Variants in CTNNA3 observed in about 807,000 individuals in gnomAD.
CTNNA3 encodes catenin alpha 3.
A neutral mutation model predicts 95.7 loss-of-function variants in CTNNA3; 76 were observed. The ratio of observed to expected loss-of-function variants is 0.79; its 90% CI spans 0.66 to 0.96. The LOEUF (loss-of-function observed/expected upper bound fraction) is 0.96, where lower values mean the gene tolerates loss of function less well. Among genes scored for constraint, CTNNA3 ranks in the 40% least tolerant of loss-of-function variants. The pLI, the probability that CTNNA3 is intolerant of heterozygous loss-of-function variation, is 0.00. For missense variants in CTNNA3, 1,191 were observed against 1,089.8 expected (o/e 1.09, Z -1.31); for synonymous variants, 431 against 374.4 (o/e 1.15, Z -1.74).
At chr10:67,160,869 G>T (rs908603847) in intron 7 of CTNNA3, among the ~76,000 whole-genome samples, 1 of 152,156 alleles carries the variant, frequency 6.6e-6, no homozygotes, top group Non-Finnish European at 1.5e-5. Flanking sequence ...AGGAAATCTT[G>T]CACTGTGACA....
At chr10:67,755,802 C>CAAAAAAAAAAAAA (rs201336788) in intron 1 of CTNNA3, among the ~76,000 whole-genome samples, 2 of 58,712 alleles carry the variant, frequency 3.4e-5, no homozygotes, top group African/African-American at 5.9e-5. Context: ...GTCTCTGCCT[C>CAAAAAAAAAAAAA]AAAAAAAAAA....
chr10:67,274,713 C>A (rs1327427768), intron 5 of CTNNA3, among the ~76,000 whole-genome samples: 2 of 151,872 alleles, frequency 1.3e-5, no homozygotes, highest in Non-Finnish European at 1.5e-5. Flanking sequence ...CCTGTGTCCC[C>A]AGCTACTCAG....
intron 7 of CTNNA3, among the ~76,000 whole-genome samples, chr10:67,088,952 A>T (rs1857463383): frequency 6.6e-6 from 1 of 152,080 alleles, no homozygotes; most frequent in Non-Finnish European, 1.5e-5. Context: ...ATTAAAATTA[A>T]TACGAATAGA....
rs375461720 is a variant in CTNNA3 at position 66,750,544 on chromosome 10, A to T, written c.1281+15720T>A. 1.2e-4 allele frequency among the ~76,000 whole-genome samples: 18 copies of T among 152,204 alleles called. No homozygotes were observed. The South Asian group carries it at 3.7e-3, about 32-fold the overall frequency. ...ACTGTCTTTATGTGGGTCTATTTCTATGCTCTCTATTCTATACTATTTATC... is the reference window on the plus strand; with the variant it reads ...ACTGTCTTTATGTGGGTCTATTTCTTTGCTCTCTATTCTATACTATTTATC... On this transcript the variant is annotated intron_variant, in intron 9 of 17. Transcript: ENST00000433211.
intron 13 of CTNNA3, among the ~76,000 whole-genome samples, chr10:66,119,888 G>A (rs1385555217): frequency 6.6e-6 from 1 of 152,026 alleles, no homozygotes; most frequent in East Asian, 1.9e-4. Context: ...AACTTATTTG[G>A]CATCTGGTTT....
chr10:66,458,900 T>A (rs1026961766), intron 11 of CTNNA3, among the ~76,000 whole-genome samples: 5 of 152,160 alleles, frequency 3.3e-5, no homozygotes, highest in Non-Finnish European at 5.9e-5. Context: ...TGTGCAAATA[T>A]CTTTTTGTGT....
chr10:67,170,835 C>G (rs759608858), intron 7 of CTNNA3, among the ~76,000 whole-genome samples: 1 of 152,152 alleles, frequency 6.6e-6, no homozygotes, highest in Non-Finnish European at 1.5e-5. Flanking sequence ...ATGCTGTCTA[C>G]CATGGCAGCC....
At chr10:66,103,350 A>T in intron 13 of CTNNA3, 101 bp from the exon 14 acceptor site, 1 of 868,958 alleles carries the variant, frequency 1.2e-6, no homozygotes, top group Non-Finnish European at 1.9e-6. Context: ...TAAAGTTACC[A>T]TATGACCCAG....
chr10:66,915,454 A>G (rs528509008), intron 7 of CTNNA3, among the ~76,000 whole-genome samples: 2 of 152,206 alleles, frequency 1.3e-5, no homozygotes, highest in Non-Finnish European at 2.9e-5. Flanking sequence ...AAACTTAGAC[A>G]TGAAATTTTT....
chr10:66,397,923 G>A (rs1169899710), intron 11 of CTNNA3, among the ~76,000 whole-genome samples: 1 of 151,732 alleles, frequency 6.6e-6, no homozygotes, highest in Non-Finnish European at 1.5e-5. Context: ...GGGAGTAGGG[G>A]TGGGGCAATT....
intron 15 of CTNNA3, among the ~76,000 whole-genome samples, chr10:66,066,400 G>A (rs2080313964): frequency 6.6e-6 from 1 of 152,074 alleles, no homozygotes; most frequent in Admixed American, 6.6e-5. Context: ...ATTATATAAT[G>A]CTTGTGATTA....
At chr10:66,378,937 C>T (rs920201751) in intron 12 of CTNNA3, among the ~76,000 whole-genome samples, 2 of 152,106 alleles carry the variant, frequency 1.3e-5, no homozygotes, top group Non-Finnish European at 2.9e-5. Context: ...ATTTATATAA[C>T]GCATATATTT....
intron 9 of CTNNA3, among the ~76,000 whole-genome samples, chr10:66,663,924 C>A (rs905573327): frequency 5.3e-5 from 8 of 152,014 alleles, no homozygotes; most frequent in African/African-American, 1.9e-4. Context: ...TCTAGTTGGA[C>A]AAAGACTGCT....
At chr10:66,692,084 T>A (rs1323130156) in intron 9 of CTNNA3, among the ~76,000 whole-genome samples, 1 of 152,162 alleles carries the variant, frequency 6.6e-6, no homozygotes, top group East Asian at 1.9e-4. Flanking sequence ...ATGCAGTTCC[T>A]CACCAGCAAT....
intron 5 of CTNNA3, among the ~76,000 whole-genome samples, chr10:67,399,692 C>T (rs913253208): frequency 3.3e-5 from 5 of 152,188 alleles, no homozygotes; most frequent in Non-Finnish European, 7.3e-5. Context: ...ATCCTGTCAA[C>T]TGTTGGAGAT....
intron 10 of CTNNA3, among the ~76,000 whole-genome samples, chr10:66,587,860 T>TGTGAAGG (rs1222209852): frequency 3.9e-5 from 6 of 152,168 alleles, no homozygotes; most frequent in Non-Finnish European, 1.5e-5. Context: ...GCACCCCTTC[T>TGTGAAGG]GGTCTACCTG....
intron 5 of CTNNA3, among the ~76,000 whole-genome samples, chr10:67,512,389 T>C (rs949973397): frequency 6.6e-6 from 1 of 152,230 alleles, no homozygotes; most frequent in African/African-American, 2.4e-5. Flanking sequence ...CTTCTGAGTA[T>C]ATATCCAAAG....
chr10:66,289,373 GA>G (rs1301889075), intron 12 of CTNNA3, among the ~76,000 whole-genome samples: 8 of 151,418 alleles, frequency 5.3e-5, no homozygotes, highest in Non-Finnish European at 8.8e-5. Context: ...GATTTTTAAA[GA>G]ATAAATTTAT....
intron 13 of CTNNA3, among the ~76,000 whole-genome samples, chr10:66,164,516 C>T (rs1306711704): frequency 6.6e-6 from 1 of 151,164 alleles, no homozygotes; most frequent in African/African-American, 2.4e-5. Flanking sequence ...CATATGGACA[C>T]TGTTTTTTTT....
Sources: gnomAD v4.1 joint callset for allele counts (sites outside exome capture counted in the v4.1 genomes callset) on GRCh38, gnomAD v4.1.1 for gene constraint, MANE v1.5 for transcripts, NCBI Gene and HGNC (gene_info 2026-07-23, HGNC 2026-07-21) for gene names.